ABCA12: variants seen among roughly 807,000 people sequenced by gnomAD.
ABCA12 encodes ATP binding cassette subfamily A member 12.
A neutral mutation model predicts 293.5 loss-of-function variants in ABCA12; 156 were observed. The ratio of observed to expected loss-of-function variants is 0.53; its 90% CI spans 0.47 to 0.61. The LOEUF (loss-of-function observed/expected upper bound fraction) is 0.61. Among genes scored for constraint, ABCA12 ranks in the 20% least tolerant of loss-of-function variants. ABCA12 has a pLI of 0.00. For synonymous variants in ABCA12, 1,063 were observed against 1,108.0 expected, an observed-to-expected ratio of 0.96 and a Z score of 0.81; for missense variants, 2,797 against 3,090.2, an observed-to-expected ratio of 0.91 and a Z score of 2.25.
chr2:214,997,988 T>A (rs1056098619), intron 22 of ABCA12, among the ~76,000 whole-genome samples, 179 bp from the exon 23 acceptor site: 1 of 150,218 alleles, frequency 6.7e-6, no homozygotes, highest in Admixed American at 6.7e-5. Context: ...TAACCATAGG[T>A]CTGTGATTTT....
At chr2:215,053,890 C>A (rs1701367718) in intron 4 of ABCA12, among the ~76,000 whole-genome samples, 1 of 151,858 alleles carries the variant, frequency 6.6e-6, no homozygotes, top group Admixed American at 6.6e-5. Flanking sequence ...TTTTTTTTAA[C>A]ATGTGGCTTC....
At chr2:215,015,404 C>T (rs1045076791) in intron 15 of ABCA12, 86 bp downstream of exon 15, 1 of 1,287,474 alleles carries the variant, frequency 7.8e-7, no homozygotes, top group Non-Finnish European at 1.1e-6. Flanking sequence ...GATCTCATCC[C>T]TCATAGTATC....
Position 215,004,189 on chromosome 2 carries a change from C to T in ABCA12, c.2683+20G>A, listed in dbSNP as rs933670665. On this transcript the variant is annotated intron_variant, in intron 20 of 52. Coordinates refer to ENST00000272895, the MANE Select transcript of ABCA12 (RefSeq NM_173076.3). ...GTCCGACATGACTCATGAATAAAAG[C>T]TTTGTGAATTTGGACTCACCGAGTT... 6.9e-6 allele frequency: 11 copies of T among 1,595,658 alleles called. No individual in the cohort carries two copies. The highest frequency in any genetic ancestry group is 9.5e-6 in the Non-Finnish European group (11 of 1,163,882).
chr2:215,049,065 T>C (rs1701264177), intron 6 of ABCA12, among the ~76,000 whole-genome samples: 1 of 152,166 alleles, frequency 6.6e-6, no homozygotes, highest in Non-Finnish European at 1.5e-5. Context: ...CTAGGCTTAG[T>C]ACCTCGGTGA....
At chr2:214,970,500 G>A in intron 36 of ABCA12, 100 bp from the exon 37 acceptor site, 1 of 1,341,020 alleles carries the variant, frequency 7.5e-7, no homozygotes, top group Non-Finnish European at 1.1e-6. Flanking sequence ...GTCTATTACT[G>A]CAACTGGTAG....
chr2:215,004,504 T>G lies in ABCA12; in HGVS notation c.2593-205A>C, dbSNP rs116082086. Among the ~76,000 whole-genome samples, 1,008 of 152,314 alleles carry G rather than the reference T, an allele frequency of 6.6e-3. 7 individuals carry two copies. The highest frequency in any genetic ancestry group is 0.012 in the Non-Finnish European group (796 of 68,024). On this transcript the variant is annotated intron_variant, in intron 19 of 52. Transcript: ENST00000272895. ...ACTTGACAGGCTGGGCTGTTGCTTG[T>G]CTATAGATACAAATTGGTCAGCATG... is the stretch of plus-strand genomic sequence containing the variant.
At chr2:215,105,657 T>A (rs1702450985) in intron 2 of ABCA12, among the ~76,000 whole-genome samples, 1 of 149,778 alleles carries the variant, frequency 6.7e-6, no homozygotes, top group Non-Finnish European at 1.5e-5. Context: ...ATGGAAGCAA[T>A]CCAAGCATGA....
intron 2 of ABCA12, among the ~76,000 whole-genome samples, chr2:215,071,360 T>G: frequency 6.6e-6 from 1 of 152,068 alleles, no homozygotes; most frequent in East Asian, 1.9e-4. Context: ...ATGCCCATTT[T>G]GTAGATAACC....
At chr2:215,037,106 G>T in intron 7 of ABCA12, 41 bp from the exon 8 acceptor site, 2 of 1,528,930 alleles carry the variant, frequency 1.3e-6, no homozygotes, top group Non-Finnish European at 1.8e-6. Flanking sequence ...TCTGTTTCAA[G>T]GTTTGCAGAC....
chr2:215,001,412 ACATGAAAGGTTCT>A, intron 21 of ABCA12, 133 bp downstream of exon 21: 2 of 924,488 alleles, frequency 2.2e-6, no homozygotes, highest in Non-Finnish European at 3.4e-6. Flanking sequence ...TTGGTTGCCT[ACATGAAAGGTTCT>A]CTTTTCTAAG....
At chr2:214,948,996 T>TAAGTA (rs1303793538) in intron 46 of ABCA12, 44 bp downstream of exon 46, 1 of 1,481,060 alleles carries the variant, frequency 6.8e-7, no homozygotes, top group East Asian at 2.3e-5. Flanking sequence ...TTTTCTCATT[T>TAAGTA]AAGTATGTTG....
chr2:215,069,932 T>C (rs1292858214), intron 2 of ABCA12, among the ~76,000 whole-genome samples: 1 of 152,218 alleles, frequency 6.6e-6, no homozygotes, highest in Non-Finnish European at 1.5e-5. Flanking sequence ...CTTCACACAT[T>C]GTAAACAATT....
At chr2:215,004,417 G>A in intron 19 of ABCA12, 118 bp from the exon 20 acceptor site, 1 of 719,406 alleles carries the variant, frequency 1.4e-6, no homozygotes, top group Non-Finnish European at 2.4e-6. Flanking sequence ...TCAATGCACT[G>A]TCTTGCAAAG....
chr2:214,967,719 T>C (rs1699295746), intron 38 of ABCA12, among the ~76,000 whole-genome samples: 1 of 152,114 alleles, frequency 6.6e-6, no homozygotes. Flanking sequence ...TAAAATAGAC[T>C]CAGGAATATT....
chr2:215,006,012 C>A (rs1476134667), intron 19 of ABCA12, among the ~76,000 whole-genome samples: 6 of 141,520 alleles, frequency 4.2e-5, no homozygotes. Context: ...CTTAAAATTT[C>A]AAATTCTGTG....
intron 41 of ABCA12, 98 bp from the exon 42 acceptor site, chr2:214,956,876 C>T (rs1698968059): frequency 2.5e-6 from 2 of 785,286 alleles, no homozygotes; most frequent in Admixed American, 2.2e-5. Context: ...AACAAGTTGA[C>T]CTAGAAAAAT....
At chr2:214,936,673 CT>C (rs1352721774) in intron 51 of ABCA12, among the ~76,000 whole-genome samples, 1 of 152,170 alleles carries the variant, frequency 6.6e-6, no homozygotes, top group African/African-American at 2.4e-5. Context: ...ATGAGATCAA[CT>C]GTACAATATT....
intron 50 of ABCA12, among the ~76,000 whole-genome samples, chr2:214,941,641 G>A (rs1698405950): frequency 6.6e-6 from 1 of 151,814 alleles, no homozygotes; most frequent in African/African-American, 2.4e-5. Context: ...TCCTGTATTG[G>A]GTGCATATAT....
chr2:214,948,512 G>T, intron 47 of ABCA12, 84 bp downstream of exon 47: 1 of 1,441,602 alleles, frequency 6.9e-7, no homozygotes, highest in Non-Finnish European at 9.6e-7. Flanking sequence ...TGGGGCAGGG[G>T]GGACAGTGGG....
Sources: allele counts gnomAD v4.1 joint callset (sites outside exome capture counted in the v4.1 genomes callset), GRCh38; gene constraint gnomAD v4.1.1; transcripts MANE v1.5; gene names NCBI Gene and HGNC (gene_info 2026-07-23, HGNC 2026-07-21).